OTUD4: variants seen among roughly 807,000 people sequenced by gnomAD.
The protein encoded by OTUD4 is OTU deubiquitinase 4.
OTUD4 carries 24 observed loss-of-function variants against 130.4 expected under a neutral mutation model. That is an observed-to-expected ratio of 0.18 (90% CI 0.13 to 0.26). The LOEUF (loss-of-function observed/expected upper bound fraction) is 0.26. Ranked by LOEUF, OTUD4 falls within the 10% of genes least tolerant of loss-of-function variation. OTUD4 has a pLI of 1.00. For synonymous variants in OTUD4, 420 were observed against 472.5 expected, an observed-to-expected ratio of 0.89 and a Z score of 1.44; for missense variants, 1,031 against 1,329.4, an observed-to-expected ratio of 0.78 and a Z score of 3.49.
chr4:145,157,842 T>A (rs1038075759), intron 7 of OTUD4, among the ~76,000 whole-genome samples: 1 of 152,180 alleles, frequency 6.6e-6, no homozygotes, highest in Non-Finnish European at 1.5e-5. Flanking sequence ...TTCTCCAGCT[T>A]ACTAGCCCCT....
chr4:145,160,662 A>G (rs1024545595), intron 6 of OTUD4, among the ~76,000 whole-genome samples: 4 of 152,006 alleles, frequency 2.6e-5, no homozygotes, highest in African/African-American at 9.7e-5. Context: ...AAAATACACA[A>G]ATTACCCAGG....
At chr4:145,142,373 C>G in intron 17 of OTUD4, 39 bp from the exon 18 acceptor site, 1 of 1,598,274 alleles carries the variant, frequency 6.3e-7, no homozygotes, top group Non-Finnish European at 8.5e-7. Flanking sequence ...CAGAAAAAGA[C>G]AAGAGGTCAT....
rs954315106 is a variant in OTUD4 at position 145,133,918 on chromosome 4, C to G, written c.*3512G>C. On this transcript the variant is annotated 3_prime_UTR_variant, in exon 21 of 21. Transcript: ENST00000447906. ...CAAGTAACATCACAAATGATCACATCTTCACATGCTCTTAAAGTATTATTT... is the reference window on the plus strand; with the variant it reads ...CAAGTAACATCACAAATGATCACATGTTCACATGCTCTTAAAGTATTATTT... 1 of 152,624 alleles carries G rather than the reference C, an allele frequency of 6.6e-6. No individual in the cohort carries two copies. The highest frequency in any genetic ancestry group is 6.5e-5 in the Admixed American group (1 of 15,282). 9.5% of individuals were successfully genotyped at this position (152,624 alleles called of 1,614,324 possible).
intron 5 of OTUD4, among the ~76,000 whole-genome samples, chr4:145,163,912 T>G (rs910943635): frequency 1.3e-5 from 2 of 152,060 alleles, no homozygotes; most frequent in African/African-American, 4.8e-5. Flanking sequence ...TTCTCCATGT[T>G]GGTCAGGCTG....
chr4:145,166,827 G>T (rs116125427), intron 3 of OTUD4, among the ~76,000 whole-genome samples: 1 of 152,094 alleles, frequency 6.6e-6, no homozygotes, highest in Non-Finnish European at 1.5e-5. Context: ...AGACAAGAGC[G>T]AAACTATGTC....
At chr4:145,141,168 CAAA>C (rs1200809073) in intron 19 of OTUD4, among the ~76,000 whole-genome samples, 5 of 54,886 alleles carry the variant, frequency 9.1e-5, no homozygotes, top group Non-Finnish European at 1.2e-4. Context: ...GACTCCGTCT[CAAA>C]AAAAAAAAAA....
chr4:145,160,237 T>C (rs1472847083), intron 6 of OTUD4, among the ~76,000 whole-genome samples: 1 of 152,144 alleles, frequency 6.6e-6, no homozygotes, highest in Non-Finnish European at 1.5e-5. Context: ...ACTTCTCAGG[T>C]TGCTATAGAA....
rs370916354 is a variant in OTUD4, at chr4:145,144,414, T to C, written c.1443A>G (p.Ser481=). 7 of 1,611,318 alleles carry C rather than the reference T, an allele frequency of 4.3e-6. No individual in the cohort carries two copies. The African/African-American group carries it at 8.0e-5, about 18-fold the overall frequency. ...CACATGGATTGCTACTCTGAGAAGC[T>C]GACTGATTGACTGATGAGCTCTTTA... is the stretch of plus-strand genomic sequence containing the variant. ...PALSSSSVNQ[S]ASQSSNPCVQ... is the part of the protein sequence containing the mutation. The change falls in exon 15 of 21, where the codon TCA becomes TCG. Residue 481 remains serine, a synonymous_variant. Transcript: ENST00000447906.
At position 145,173,855 on chromosome 4, in the gene OTUD4, T is replaced by G. The variant is rs560744022; in HGVS notation, c.243+806A>C. Among the ~76,000 whole-genome samples the G allele has an allele frequency of 4.6e-5, 7 of 152,346 alleles. No individual in the cohort carries two copies. In the East Asian group the frequency reaches 1.3e-3, roughly 29 times the overall value. Reference sequence around the variant, plus strand: ...TATTAAGCTGTTATACAACATTTTATTAACTATTAATCACTACTTACATAA... The same window carrying G: ...TATTAAGCTGTTATACAACATTTTAGTAACTATTAATCACTACTTACATAA... On this transcript the variant is annotated intron_variant, in intron 2 of 20. Transcript: ENST00000447906.
intron 13 of OTUD4, among the ~76,000 whole-genome samples, chr4:145,149,386 T>A (rs1750964833): frequency 6.6e-6 from 1 of 152,154 alleles, no homozygotes; most frequent in Non-Finnish European, 1.5e-5. Context: ...TGTGAAAAAA[T>A]AAATTTCTGT....
chr4:145,150,961 A>C, intron 11 of OTUD4, 56 bp from the exon 12 acceptor site: 10 of 960,780 alleles, frequency 1.0e-5, no homozygotes, highest in South Asian at 3.8e-5. Flanking sequence ...GAATAGTTAA[A>C]TATTCTGCAT....
chr4:145,151,056 C>T, intron 11 of OTUD4, 151 bp from the exon 12 acceptor site: 1 of 490,872 alleles, frequency 2.0e-6, no homozygotes, highest in Non-Finnish European at 3.6e-6. Flanking sequence ...TTGCATTTAC[C>T]AATCCAGATG....
chr4:145,141,679 G>A, intron 18 of OTUD4, 40 bp from the exon 19 acceptor site: 1 of 1,493,014 alleles, frequency 6.7e-7, no homozygotes. Context: ...GACAAAAGAT[G>A]AAAATCTCTA....
At position 145,180,291 on chromosome 4, in the gene OTUD4, A is replaced by T. The variant is rs541637882; in HGVS notation, c.-318T>A. The T allele has an allele frequency of 6.5e-6, 1 of 153,202 alleles. No individual in the cohort carries two copies. The highest frequency in any genetic ancestry group is 2.4e-5 in the African/African-American group (1 of 41,556). The allele number at this position is 153,202 out of a possible 1,614,324, so 9.5% of individuals were successfully genotyped here. A position where few individuals can be genotyped will look rare whatever the true frequency, so the allele number is the denominator to read the frequency against. ...TCCCGACGGCCTCGCTGCCTGACTCAGGACCCAGGCCGGGGGTCGCCGCCC... is the reference window on the plus strand; with the variant it reads ...TCCCGACGGCCTCGCTGCCTGACTCTGGACCCAGGCCGGGGGTCGCCGCCC... On this transcript the variant is annotated 5_prime_UTR_variant, in exon 1 of 21. Coordinates refer to ENST00000447906, the MANE Select transcript of OTUD4 (RefSeq NM_001366057.1).
chr4:145,172,006 C>T (rs1173204267), intron 2 of OTUD4, among the ~76,000 whole-genome samples: 1 of 152,202 alleles, frequency 6.6e-6, no homozygotes, highest in Non-Finnish European at 1.5e-5. Context: ...TGGCAACAGG[C>T]AGCTGATACT....
chr4:145,164,327 T>C (rs1364199740), intron 4 of OTUD4, 101 bp from the exon 5 acceptor site: 1 of 541,626 alleles, frequency 1.8e-6, no homozygotes, highest in Non-Finnish European at 3.3e-6. Context: ...TGCCAGGCAC[T>C]GTCCCAACCA....
chr4:145,180,401 G>A lies in OTUD4; in HGVS notation c.-428C>T, dbSNP rs1303311102. ...CGCTGGGCCGGCTCAGGTGAAGCGG[G>A]GCCTGCGCCCCCGCGCACTCCCCAC... On this transcript the variant is annotated 5_prime_UTR_variant, in exon 1 of 21. Coordinates refer to ENST00000447906, the MANE Select transcript of OTUD4 (RefSeq NM_001366057.1). Among the ~76,000 whole-genome samples the A allele has an allele frequency of 6.6e-6, 1 of 152,170 alleles. No homozygotes were observed. The highest frequency in any genetic ancestry group is 1.5e-5 in the Non-Finnish European group (1 of 68,004).
rs554189943 is a variant in OTUD4 at position 145,138,708 on chromosome 4, T to C, written c.2125-58A>G. ...AGAGGAGAAAAAAGAGAGGTTTGGG[T>C]GGATATCAATCTACAAGTACTAGGG... On this transcript the variant is annotated intron_variant, in intron 20 of 20. Transcript: ENST00000447906. 1.1e-5 allele frequency: 17 copies of C among 1,487,170 alleles called. No homozygotes were observed. In the African/African-American group the frequency reaches 2.2e-4, roughly 20 times the overall value. 92.1% of individuals were successfully genotyped at this position (1,487,170 alleles called of 1,614,324 possible).
intron 20 of OTUD4, among the ~76,000 whole-genome samples, chr4:145,138,945 C>T (rs910758584): frequency 1.3e-5 from 2 of 152,166 alleles, no homozygotes; most frequent in Non-Finnish European, 2.9e-5. Flanking sequence ...CATTCACATT[C>T]GGGCTCTACC....
Sources: gnomAD v4.1 joint callset for allele counts (sites outside exome capture counted in the v4.1 genomes callset) on GRCh38, gnomAD v4.1.1 for gene constraint, MANE v1.5 for transcripts, NCBI Gene and HGNC (gene_info 2026-07-23, HGNC 2026-07-21) for gene names.